TEX36: variants seen among roughly 807,000 people sequenced by gnomAD.
The protein encoded by TEX36 is testis expressed 36.
Under a neutral mutation model 13.6 loss-of-function variants are expected in TEX36, and 12 were observed. The ratio of observed to expected loss-of-function variants is 0.88; its 90% CI spans 0.56 to 1.43. TEX36 has a LOEUF of 1.43. TEX36 is among the 40% of genes most tolerant of loss of function. The pLI is 0.00. For synonymous variants in TEX36, 93 were observed against 83.0 expected (o/e 1.12, Z -0.65); for missense variants, 224 against 228.3 (o/e 0.98, Z 0.12).
At chr10:125,579,612 T>A (rs950780739) in intron 3 of TEX36, among the ~76,000 whole-genome samples, 1 of 152,216 alleles carries the variant, frequency 6.6e-6, no homozygotes, top group Non-Finnish European at 1.5e-5. Flanking sequence ...CATGTTGAAT[T>A]GTAATTTCCA....
At chr10:125,606,346 T>C (rs1846215472) in intron 3 of TEX36, among the ~76,000 whole-genome samples, 1 of 152,256 alleles carries the variant, frequency 6.6e-6, no homozygotes, top group Admixed American at 6.5e-5. Flanking sequence ...ACTTTGTGTA[T>C]TAAAGCCTTA....
chr10:125,676,313 T>G (rs537317677), intron 1 of TEX36, among the ~76,000 whole-genome samples: 10 of 152,364 alleles, frequency 6.6e-5, no homozygotes, highest in Non-Finnish European at 1.5e-4. Flanking sequence ...AGCCATATAT[T>G]TAGAACTGTT....
In TEX36 at chr10:125,591,143, T is replaced by C. The variant is rs139329611; in HGVS notation, c.265-14269A>G. Among the ~76,000 whole-genome samples the C allele has an allele frequency of 7.0e-3, 1,064 of 152,326 alleles. 10 individuals carry two copies. The highest frequency in any genetic ancestry group is 0.024 in the African/African-American group (1,015 of 41,572). Reference sequence around the variant, plus strand: ...TATCTTTCTCTGTGTCTTAGAATGATAATGACAGAAATCCATTTCATTTGG... The same window carrying C: ...TATCTTTCTCTGTGTCTTAGAATGACAATGACAGAAATCCATTTCATTTGG... On this transcript the variant is annotated intron_variant, in intron 3 of 3. Coordinates refer to the TEX36 transcript ENST00000532135.
intron 3 of TEX36, among the ~76,000 whole-genome samples, chr10:125,603,044 G>A (rs1846168470): frequency 6.6e-6 from 1 of 152,206 alleles, no homozygotes; most frequent in Non-Finnish European, 1.5e-5. Context: ...GCATGGAGAG[G>A]TGAACACGGC....
At position 125,656,220 on chromosome 10, in the gene TEX36, C is replaced by T. The variant is rs1238598663; in HGVS notation, c.265-24G>A. The T allele has an allele frequency of 1.4e-5, 13 of 905,516 alleles. No homozygotes were observed. In the Middle Eastern group the frequency reaches 9.2e-4, roughly 64 times the overall value. The allele number at this position is 905,516 out of a possible 1,614,324, so 56.1% of individuals were successfully genotyped here. ...CCCTGGAGAGAAGAATTACAAGATT[C>T]GAAGGAAAATATTCAAGTTCACATA... On this transcript the variant is annotated intron_variant, in intron 3 of 3. Coordinates refer to ENST00000368821, the MANE Select transcript of TEX36 (RefSeq NM_001128202.3).
chr10:125,678,680 G>A (rs556775412), intron 1 of TEX36, among the ~76,000 whole-genome samples: 1 of 152,218 alleles, frequency 6.6e-6, no homozygotes, highest in Admixed American at 6.5e-5. Context: ...GGCTGGGCAG[G>A]CCAGTCTCTA....
At chr10:125,660,931 G>A (rs907208253) in intron 3 of TEX36, 90 bp downstream of exon 3, 26 of 1,141,604 alleles carry the variant, frequency 2.3e-5, no homozygotes, top group African/African-American at 4.6e-5. Flanking sequence ...CCAGTTTTGA[G>A]GCCAATCCTC....
chr10:125,596,452 T>C (rs1846082591), intron 3 of TEX36, among the ~76,000 whole-genome samples: 2 of 152,118 alleles, frequency 1.3e-5, no homozygotes, highest in South Asian at 2.1e-4. Flanking sequence ...AGACCATGAA[T>C]TAAGGAATAC....
At chr10:125,590,221 T>A (rs1846004571) in intron 3 of TEX36, among the ~76,000 whole-genome samples, 1 of 151,994 alleles carries the variant, frequency 6.6e-6, no homozygotes, top group East Asian at 1.9e-4. Flanking sequence ...CTCAAGCAAT[T>A]CTCCCACTTT....
chr10:125,639,602 TG>T (rs994561925), intron 3 of TEX36, among the ~76,000 whole-genome samples: 11 of 25,802 alleles, frequency 4.3e-4, no homozygotes, highest in East Asian at 1.1e-3. Flanking sequence ...TGGGGCAATG[TG>T]GGGGGGTGGG....
intron 3 of TEX36, among the ~76,000 whole-genome samples, chr10:125,650,137 C>G (rs1330975749): frequency 6.6e-6 from 1 of 152,150 alleles, no homozygotes; most frequent in Non-Finnish European, 1.5e-5. Context: ...CAGCTCTGCA[C>G]CAAGCAGACC....
chr10:125,627,756 A>G (rs998586334), intron 3 of TEX36, among the ~76,000 whole-genome samples: 4 of 152,236 alleles, frequency 2.6e-5, no homozygotes, highest in African/African-American at 9.6e-5. Context: ...AGAAACATCC[A>G]GGTCTGCGTG....
At chr10:125,669,087 T>A (rs1847174998) in intron 1 of TEX36, among the ~76,000 whole-genome samples, 1 of 152,064 alleles carries the variant, frequency 6.6e-6, no homozygotes, top group African/African-American at 2.4e-5. Flanking sequence ...GGTCAAGAGA[T>A]CGAGACCATC....
At chr10:125,601,744 A>G (rs1846150058) in intron 3 of TEX36, among the ~76,000 whole-genome samples, 1 of 152,126 alleles carries the variant, frequency 6.6e-6, no homozygotes, top group African/African-American at 2.4e-5. Context: ...TTTATATCTG[A>G]GTTGTGACCC....
At chr10:125,638,415 G>A (rs1846645391) in intron 3 of TEX36, among the ~76,000 whole-genome samples, 1 of 152,198 alleles carries the variant, frequency 6.6e-6, no homozygotes, top group African/African-American at 2.4e-5. Context: ...AGAGATGGCA[G>A]TGAGAGAAGG....
At chr10:125,666,998 G>A (rs1847132462) in intron 1 of TEX36, 1 of 1,426,900 alleles carries the variant, frequency 7.0e-7, no homozygotes, top group African/African-American at 1.4e-5. Context: ...CTCCTGGGCA[G>A]CCTTCAGGTT....
chr10:125,635,583 C>T lies in TEX36; in HGVS notation c.265-13938G>A, dbSNP rs115788894. The stretch of plus-strand genomic sequence containing the variant: ...AGGCAGGGCATCTCGTGCTGGGGTG[C>T]GAAGGTACAGCGGATGGGGGAAGTT... On this transcript the variant is annotated intron_variant, in intron 3 of 3. Transcript: ENST00000526819. Among the ~76,000 whole-genome samples the T allele has an allele frequency of 4.0e-3, 613 of 152,228 alleles. 11 individuals carry two copies. Among genetic ancestry groups the T allele is most frequent in the African/African-American group, 0.014 (585 of 41,546 alleles).
At chr10:125,580,624 G>A (rs1365375957) in intron 3 of TEX36, among the ~76,000 whole-genome samples, 2 of 152,158 alleles carry the variant, frequency 1.3e-5, no homozygotes, top group Non-Finnish European at 2.9e-5. Flanking sequence ...TTGTCACCAA[G>A]GGCCCACATT....
chr10:125,662,823 A>G (rs1046554234), intron 1 of TEX36, among the ~76,000 whole-genome samples: 2 of 152,206 alleles, frequency 1.3e-5, no homozygotes, highest in South Asian at 2.1e-4. Context: ...AGTGAGGGCC[A>G]TGCTCCCAGC....
Sources: gnomAD v4.1 joint callset for allele counts (sites outside exome capture counted in the v4.1 genomes callset) on GRCh38, gnomAD v4.1.1 for gene constraint, MANE v1.5 for transcripts, NCBI Gene and HGNC (gene_info 2026-07-23, HGNC 2026-07-21) for gene names.